GPHN: variants seen among roughly 807,000 people sequenced by gnomAD.
GPHN encodes the protein gephyrin.
A neutral mutation model predicts 95.5 loss-of-function variants in GPHN; 17 were observed. The observed-to-expected ratio is 0.18, with a 90% confidence interval of 0.12 to 0.27. The LOEUF (loss-of-function observed/expected upper bound fraction) is 0.27, where lower values mean the gene tolerates loss of function less well. Ranked by LOEUF, GPHN falls within the 10% of genes least tolerant of loss-of-function variation. GPHN has a pLI of 1.00. For synonymous variants in GPHN, 320 were observed against 322.5 expected, an observed-to-expected ratio of 0.99 and a Z score of 0.08; for missense variants, 660 against 978.1, an observed-to-expected ratio of 0.67 and a Z score of 4.34.
rs115542390 is a variant in GPHN at position 66,748,443 on chromosome 14, C to T, written c.144-28021C>T. Among the ~76,000 whole-genome samples the T allele has an allele frequency of 7.9e-3, 1,205 of 151,984 alleles. 8 individuals are homozygous for T. Among genetic ancestry groups the T allele is most frequent in the African/African-American group, 0.028 (1,150 of 41,502 alleles). ...AGATTTTCCCATATACCCCCTGCAC[C>T]CTTACATGCATAGCCTCCCCCATTA... is the stretch of plus-strand genomic sequence containing the variant. On this transcript the variant is annotated intron_variant, in intron 2 of 22. Transcript: ENST00000478722.
At chr14:67,536,910 T>C in the GPHN span, among the ~76,000 whole-genome samples, 1 of 151,478 alleles carries the variant, frequency 6.6e-6, no homozygotes, top group Admixed American at 6.6e-5. Context: ...TGTGGTGGCA[T>C]CCGCCTGTAA....
At chr14:67,439,810 T>TTCTTC in the GPHN span, among the ~76,000 whole-genome samples, 2,315 of 152,098 alleles carry the variant, frequency 0.015, 26 homozygotes, top group Non-Finnish European at 0.025. Flanking sequence ...AAAATGTCCT[T>TTCTTC]TCTTCTCTTC....
intron 6 of GPHN, 79 bp downstream of exon 6, chr14:66,916,148 A>T: frequency 1.1e-6 from 1 of 880,172 alleles, no homozygotes; most frequent in South Asian, 1.4e-5. Context: ...AAAAAGTTGG[A>T]GCACTCCACA....
chr14:67,284,568 A>C, the GPHN span, among the ~76,000 whole-genome samples: 23,115 of 140,106 alleles, frequency 0.16, 4,425 homozygotes, highest in East Asian at 0.45. Context: ...AAAAAAAAAA[A>C]AAAAAAAAAA....
chr14:67,588,728 GTA>G, the GPHN span: 1 of 152,564 alleles, frequency 6.6e-6, no homozygotes, highest in East Asian at 1.9e-4. Context: ...GCTGAAAACT[GTA>G]TATTTAGCAG....
At chr14:67,484,593 T>A in the GPHN span, among the ~76,000 whole-genome samples, 1 of 152,160 alleles carries the variant, frequency 6.6e-6, no homozygotes, top group Non-Finnish European at 1.5e-5. Context: ...CCGGATTCAA[T>A]TTTATTTTTT....
the GPHN span, among the ~76,000 whole-genome samples, chr14:67,604,468 G>A: frequency 6.6e-6 from 1 of 152,180 alleles, no homozygotes; most frequent in African/African-American, 2.4e-5. Context: ...GCTGAGCCAG[G>A]AAGATCGTTT....
the GPHN span, among the ~76,000 whole-genome samples, chr14:67,540,350 G>T: frequency 1.3e-5 from 2 of 152,196 alleles, no homozygotes; most frequent in Non-Finnish European, 2.9e-5. Context: ...TATCGGCCGG[G>T]TACAGTGGCT....
intron 10 of GPHN, among the ~76,000 whole-genome samples, chr14:67,041,191 T>C (rs898408896): frequency 6.6e-6 from 1 of 152,204 alleles, no homozygotes; most frequent in African/African-American, 2.4e-5. Context: ...TATTGGTATT[T>C]GCCCAAAATA....
the GPHN span, among the ~76,000 whole-genome samples, chr14:67,339,572 T>C: frequency 6.6e-6 from 1 of 152,196 alleles, no homozygotes; most frequent in South Asian, 2.1e-4. Context: ...TTAGTATTTA[T>C]ACCTGTTGAC....
chr14:66,525,434 C>A (rs907472788), intron 1 of GPHN, among the ~76,000 whole-genome samples: 1 of 152,130 alleles, frequency 6.6e-6, no homozygotes, highest in African/African-American at 2.4e-5. Flanking sequence ...TTCTCCCATT[C>A]TGTAGGTTGC....
chr14:67,677,476 C>A, the GPHN span: 1 of 132,510 alleles, frequency 7.5e-6, no homozygotes, highest in Non-Finnish European at 1.5e-5. Context: ...TATTTAATAT[C>A]TTTTGCTATT....
intron 2 of GPHN, among the ~76,000 whole-genome samples, chr14:66,692,562 G>C (rs1209653000): frequency 6.6e-6 from 1 of 152,156 alleles, no homozygotes; most frequent in African/African-American, 2.4e-5. Context: ...AACCAGGAGA[G>C]AGAACACAGA....
intron 4 of GPHN, among the ~76,000 whole-genome samples, chr14:66,874,152 C>T (rs999460170): frequency 8.5e-5 from 13 of 152,186 alleles, no homozygotes; most frequent in African/African-American, 3.1e-4. Context: ...AGCAGACCTG[C>T]AGCAGAGAGG....
At chr14:67,681,764 AAAT>A in the GPHN span, among the ~76,000 whole-genome samples, 1 of 152,240 alleles carries the variant, frequency 6.6e-6, no homozygotes, top group Admixed American at 6.5e-5. Context: ...CGTCTCAAAA[AAAT>A]AATAATTATA....
chr14:67,358,552 A>C, the GPHN span, among the ~76,000 whole-genome samples: 1 of 152,064 alleles, frequency 6.6e-6, no homozygotes, highest in African/African-American at 2.4e-5. Flanking sequence ...GAAAAAGGGA[A>C]AGCCAGGCGC....
At chr14:66,561,643 A>G (rs2060251230) in intron 1 of GPHN, among the ~76,000 whole-genome samples, 1 of 152,162 alleles carries the variant, frequency 6.6e-6, no homozygotes, top group Non-Finnish European at 1.5e-5. Context: ...ATCTAGTTTT[A>G]ATCTATATAT....
At chr14:66,930,990 T>C (rs1032390596) in intron 8 of GPHN, among the ~76,000 whole-genome samples, 6 of 152,236 alleles carry the variant, frequency 3.9e-5, no homozygotes, top group African/African-American at 1.2e-4. Context: ...TAATATTCTT[T>C]TATTTCAGAG....
chr14:67,194,256 C>A, the GPHN span, among the ~76,000 whole-genome samples: 1 of 150,750 alleles, frequency 6.6e-6, no homozygotes, highest in Non-Finnish European at 1.5e-5. Context: ...CCCAACTACT[C>A]GGGAGGCTGA....
Sources: allele counts gnomAD v4.1 joint callset (sites outside exome capture counted in the v4.1 genomes callset), GRCh38; gene constraint gnomAD v4.1.1; transcripts MANE v1.5; gene names NCBI Gene and HGNC (gene_info 2026-07-23, HGNC 2026-07-21).